The following NAA38 variants were observed in gnomAD, a reference collection of about 807,000 sequenced individuals.
NAA38 encodes the protein N-alpha-acetyltransferase 38, NatC auxiliary subunit.
Under a neutral mutation model 12.6 loss-of-function variants are expected in NAA38, and 15 were observed. The ratio of observed to expected loss-of-function variants is 1.19; its 90% CI spans 0.79 to 1.83. The LOEUF is 1.83. NAA38 is among the 40% of genes most tolerant of loss of function. NAA38 has a pLI of 0.00. For synonymous variants in NAA38, 88 were observed against 69.9 expected, an observed-to-expected ratio of 1.26 and a Z score of -1.29; for missense variants, 183 against 171.7, an observed-to-expected ratio of 1.07 and a Z score of -0.37.
chr17:7,870,530 A>G lies in NAA38; in HGVS notation c.-65-3972T>C, dbSNP rs146867095. On this transcript the variant is annotated intron_variant, in intron 2 of 4. Transcript: ENST00000576861. The stretch of plus-strand genomic sequence containing the variant: ...GCAGTATTTGGGTTCTTTATTAGGT[A>G]CTGGAGGTACAGAGAACTATTCCAT... Among the ~76,000 whole-genome samples the G allele has an allele frequency of 3.3e-5, 5 of 152,336 alleles. No individual in the cohort carries two copies. In the East Asian group the frequency reaches 9.6e-4, roughly 29 times the overall value.
chr17:7,858,820 T>C, upstream of NAA38: 1 of 1,538,434 alleles, frequency 6.5e-7, no homozygotes, highest in African/African-American at 1.4e-5. Flanking sequence ...GAGCACACAC[T>C]GGAGGTGAGA....
intron 1 of NAA38, chr17:7,884,779 G>T: frequency 2.5e-6 from 1 of 397,478 alleles, no homozygotes; most frequent in East Asian, 4.5e-5. Flanking sequence ...GGTGGGTGGG[G>T]GGGTGGTGGG....
At chr17:7,868,015 C>T (rs1266913713) in intron 2 of NAA38, among the ~76,000 whole-genome samples, 1 of 152,146 alleles carries the variant, frequency 6.6e-6, no homozygotes, top group Non-Finnish European at 1.5e-5. Context: ...TGAGGTAACT[C>T]GGGCAGGCAG....
At chr17:7,881,851 TAG>T (rs551499066) in intron 2 of NAA38, among the ~76,000 whole-genome samples, 8 of 147,804 alleles carry the variant, frequency 5.4e-5, no homozygotes, top group South Asian at 2.2e-4. Flanking sequence ...GACAGATGGC[TAG>T]AGAGAGAGTG....
At chr17:7,881,215 T>C (rs949810302) in intron 2 of NAA38, among the ~76,000 whole-genome samples, 6 of 152,172 alleles carry the variant, frequency 3.9e-5, no homozygotes, top group Non-Finnish European at 7.3e-5. Context: ...CACAGTACAC[T>C]TTCTGTACTT....
intron 2 of NAA38, among the ~76,000 whole-genome samples, chr17:7,876,184 A>G (rs1967171703): frequency 6.6e-6 from 1 of 152,132 alleles, no homozygotes; most frequent in African/African-American, 2.4e-5. Flanking sequence ...TGGTAGCTCT[A>G]TATTTAACTT....
chr17:7,858,624 C>G (rs2078854808), upstream of NAA38: 2 of 1,604,842 alleles, frequency 1.2e-6, no homozygotes, highest in African/African-American at 1.3e-5. Context: ...GCACATAGAT[C>G]CGCTGACCGG....
intron 2 of NAA38, among the ~76,000 whole-genome samples, chr17:7,869,737 C>T (rs142078186): frequency 0.021 from 3,118 of 151,622 alleles, 46 homozygotes; most frequent in Middle Eastern, 0.058. Context: ...CATTCCAGCC[C>T]GGGTGACAGA....
Position 7,857,113 on chromosome 17 carries a change from C to A in NAA38, c.167G>T (p.Arg56Leu). 1 of 1,613,478 alleles carries A rather than the reference C, an allele frequency of 6.2e-7. No individual in the cohort carries two copies. Among genetic ancestry groups the A allele is most frequent in the South Asian group, 1.1e-5 (1 of 91,090 alleles). The change falls in exon 2 of 3, where the codon CGC becomes CTC. Residue 56 changes from arginine to leucine, a missense_variant. Physicochemically the swap from Arg to Leu is moderately radical, Grantham distance 102 (BLOSUM62 -2). Coordinates refer to ENST00000575771, the MANE Select transcript of NAA38 (RefSeq NM_001320925.4). ...EALLNKTMRIRMTDGRTLVGC... is the reference protein window; with the variant it reads ...EALLNKTMRILMTDGRTLVGC... ...GACCAGTGTCCGTCCATCTGTCATG[C>A]GAATGCGCATAGTCTTGTTGAGCAG...
intron 2 of NAA38, among the ~76,000 whole-genome samples, chr17:7,879,897 GCAGA>G (rs1210541870): frequency 6.6e-6 from 1 of 152,030 alleles, no homozygotes; most frequent in African/African-American, 2.4e-5. Flanking sequence ...CAAGAACTGA[GCAGA>G]CAGAGAAGAG....
Position 7,857,470 on chromosome 17 carries a change from G to T in NAA38, c.-7C>A, listed in dbSNP as rs987049754. The T allele has an allele frequency of 2.0e-6, 3 of 1,525,932 alleles. No individual in the cohort carries two copies. The highest frequency in any genetic ancestry group is 2.6e-6 in the Non-Finnish European group (3 of 1,136,876). The allele number at this position is 1,525,932 out of a possible 1,614,324, so 94.5% of individuals were successfully genotyped here. ...TCGGTCCAGCTCCGGCCATTTGCCC[G>T]GAGGCCTCCTCTGGGCCTTTCAACT... On this transcript the variant is annotated 5_prime_UTR_variant, in exon 1 of 3. Coordinates refer to ENST00000575771, the MANE Select transcript of NAA38 (RefSeq NM_001320925.4).
intron 1 of NAA38, chr17:7,884,922 C>A: frequency 1.4e-6 from 2 of 1,414,038 alleles, no homozygotes; most frequent in South Asian, 1.5e-5. Context: ...GTGGAGGCGG[C>A]CGACGAGGAC....
At chr17:7,858,323 G>A, upstream of NAA38, 1 of 1,613,912 alleles carries the variant, frequency 6.2e-7, no homozygotes. Flanking sequence ...GCCGGGGCCG[G>A]AGTGTGTGTG....
intron 2 of NAA38, among the ~76,000 whole-genome samples, chr17:7,870,908 G>A (rs893770686): frequency 6.7e-6 from 1 of 148,946 alleles, no homozygotes; most frequent in African/African-American, 2.5e-5. Context: ...AAAAAAAATT[G>A]TAGAAACGGG....
At chr17:7,871,230 A>T (rs1967079518) in intron 2 of NAA38, among the ~76,000 whole-genome samples, 1 of 152,202 alleles carries the variant, frequency 6.6e-6, no homozygotes, top group African/African-American at 2.4e-5. Context: ...ACCTCTCAAT[A>T]GCTCTGACCT....
chr17:7,857,579 C>T, upstream of NAA38: 1 of 1,394,688 alleles, frequency 7.2e-7, no homozygotes, highest in African/African-American at 1.5e-5. Flanking sequence ...CCTCTCCTCC[C>T]CCTCCTAGTC....
At chr17:7,868,123 G>T (rs1055859620) in intron 2 of NAA38, among the ~76,000 whole-genome samples, 1 of 152,208 alleles carries the variant, frequency 6.6e-6, no homozygotes, top group African/African-American at 2.4e-5. Context: ...GATAGCAGCT[G>T]TAGCCAGTCA....
chr17:7,875,878 A>G (rs1967166830), intron 2 of NAA38, among the ~76,000 whole-genome samples: 1 of 152,192 alleles, frequency 6.6e-6, no homozygotes, highest in Non-Finnish European at 1.5e-5. Context: ...ATTTCATATA[A>G]ATGGCATCAA....
intron 2 of NAA38, among the ~76,000 whole-genome samples, chr17:7,879,419 G>A (rs1371692348): frequency 6.6e-6 from 1 of 151,976 alleles, no homozygotes; most frequent in Non-Finnish European, 1.5e-5. Context: ...GTAACACCGT[G>A]AAAACATATG....
Sources: gnomAD v4.1 joint callset for allele counts (sites outside exome capture counted in the v4.1 genomes callset) on GRCh38, gnomAD v4.1.1 for gene constraint, MANE v1.5 for transcripts, NCBI Gene and HGNC (gene_info 2026-07-23, HGNC 2026-07-21) for gene names.